The following PHOX2A variants were observed in gnomAD, a reference collection of about 807,000 sequenced individuals.
PHOX2A encodes paired like homeobox 2A, also known as paired mesoderm homeobox protein 2A.
PHOX2A carries 10 observed loss-of-function variants against 16.4 expected under a neutral mutation model. That is an observed-to-expected ratio of 0.61 (90% CI 0.38 to 1.04). The LOEUF (loss-of-function observed/expected upper bound fraction) is 1.04. Among genes scored for constraint, PHOX2A ranks in the 50% least tolerant of loss-of-function variants. The pLI, the probability that PHOX2A is intolerant of heterozygous loss-of-function variation, is 0.01. For missense variants in PHOX2A, 361 were observed against 419.4 expected (o/e 0.86, Z 1.22); for synonymous variants, 219 against 203.8 (o/e 1.07, Z -0.64).
At chr11:72,240,273 G>C (rs1045667685) in intron 2 of PHOX2A, 75 bp from the exon 3 acceptor site, 4 of 1,509,918 alleles carry the variant, frequency 2.6e-6, no homozygotes, top group Middle Eastern at 2.3e-4. Flanking sequence ...CGCAAGGCTC[G>C]AGTGAGATCC....
intron 1 of PHOX2A, 125 bp downstream of exon 1, chr11:72,243,663 G>C (rs1590729464): frequency 1.3e-5 from 6 of 446,476 alleles, no homozygotes; most frequent in African/African-American, 6.0e-5. Flanking sequence ...GGTCTCTCGG[G>C]GCATTGGAGG....
Position 72,242,376 on chromosome 11 carries a change from A to G in PHOX2A, c.218-1087T>C, listed in dbSNP as rs529499677. 1.1e-3 allele frequency among the ~76,000 whole-genome samples: 168 copies of G among 152,180 alleles called. 2 individuals carry two copies. Among genetic ancestry groups the G allele is most frequent in the African/African-American group, 3.8e-3 (158 of 41,510 alleles). On this transcript the variant is annotated intron_variant, in intron 1 of 2. Transcript: ENST00000298231. ...CTATTTCTAATCTTCTTTGGTCCCC[A>G]TCGCCTGATACTTATCTCTATCTCC...
chr11:72,244,087 G>T lies in PHOX2A; in HGVS notation c.-83C>A. Reference sequence around the variant, plus strand: ...TGGAGGTCGGAAGGGAGGTTCGAGCGCCAGGCTCCGAGGACCCGAGGCCAG... The same window carrying T: ...TGGAGGTCGGAAGGGAGGTTCGAGCTCCAGGCTCCGAGGACCCGAGGCCAG... On this transcript the variant is annotated 5_prime_UTR_variant, in exon 1 of 3. Coordinates refer to ENST00000298231, the MANE Select transcript of PHOX2A (RefSeq NM_005169.4). 3.1e-6 allele frequency: 2 copies of T among 649,112 alleles called. No homozygotes were observed. Among genetic ancestry groups the T allele is most frequent in the Non-Finnish European group, 4.4e-6 (2 of 454,028 alleles). 40.2% of individuals were successfully genotyped at this position (649,112 alleles called of 1,614,324 possible). A position where few individuals can be genotyped will look rare whatever the true frequency, so the allele number is the denominator to read the frequency against.
Position 72,240,128 on chromosome 11 carries a change from C to A in PHOX2A, c.476G>T (p.Gly159Val). The change falls in exon 3 of 3, where the codon GGC becomes GTC. Residue 159 changes from glycine to valine, a missense_variant. Transcript: ENST00000298231. ...ERAASAKGAA[G>V]AAGAKKGEAR... ...CTCGCCCTTTTTGGCGCCCGCCGCG[C>A]CCGCCGCGCCCTTGGCGCTGGCCGC... 6.5e-7 allele frequency: 1 copy of A among 1,533,036 alleles called. No individual in the cohort carries two copies. 95.0% of individuals were successfully genotyped at this position (1,533,036 alleles called of 1,614,324 possible).
chr11:72,244,053 G>T lies in PHOX2A; in HGVS notation c.-49C>A, dbSNP rs1949143806. The T allele has an allele frequency of 4.2e-6, 4 of 945,586 alleles. No individual in the cohort carries two copies. The highest frequency in any genetic ancestry group is 5.6e-6 in the Non-Finnish European group (4 of 719,598). 58.6% of individuals were successfully genotyped at this position (945,586 alleles called of 1,614,324 possible). A position where few individuals can be genotyped will look rare whatever the true frequency, so the allele number is the denominator to read the frequency against. On this transcript the variant is annotated 5_prime_UTR_variant, in exon 1 of 3. Transcript: ENST00000298231. ...GCCGGGCCAGGCCGGGTCGGGGTCGGGGTCCGGGTGGAGGTCGGAAGGGAG... is the reference window on the plus strand; with the variant it reads ...GCCGGGCCAGGCCGGGTCGGGGTCGTGGTCCGGGTGGAGGTCGGAAGGGAG...
chr11:72,243,561 G>T (rs888497431), intron 1 of PHOX2A, among the ~76,000 whole-genome samples: 14 of 152,198 alleles, frequency 9.2e-5, no homozygotes, highest in African/African-American at 3.4e-4. Context: ...TGACCTGAAG[G>T]GCACGAGACA....
At chr11:72,240,272 C>A in intron 2 of PHOX2A, 74 bp from the exon 3 acceptor site, 2 of 1,509,870 alleles carry the variant, frequency 1.3e-6, no homozygotes, top group South Asian at 2.5e-5. Context: ...CCGCAAGGCT[C>A]GAGTGAGATC....
At position 72,244,023 on chromosome 11, in the gene PHOX2A, C is replaced by A; in HGVS notation, c.-19G>T. On this transcript the variant is annotated 5_prime_UTR_variant, in exon 1 of 3. Coordinates refer to ENST00000298231, the MANE Select transcript of PHOX2A (RefSeq NM_005169.4). ...AGTCCATCGGCCCGGGGGGCGGGGG[C>A]GGGGGCCGGGCCAGGCCGGGTCGGG... is the stretch of plus-strand genomic sequence containing the variant. 2.6e-6 allele frequency: 1 copy of A among 378,812 alleles called. No homozygotes were observed. The highest frequency in any genetic ancestry group is 3.7e-6 in the Non-Finnish European group (1 of 269,208). The allele number at this position is 378,812 out of a possible 1,614,324, so 23.5% of individuals were successfully genotyped here. A position where few individuals can be genotyped will look rare whatever the true frequency, so the allele number is the denominator to read the frequency against.
In PHOX2A at chr11:72,243,816, G is replaced by C; in HGVS notation, c.189C>G (p.Arg63=). The change falls in exon 1 of 3, where the codon CGC becomes CGG. Residue 63 remains arginine (R), a synonymous_variant. Transcript: ENST00000298231. The part of the protein sequence containing the change: ...GSSNCALGAL[R]DHQPAPYSAV... Reference sequence around the variant, plus strand: ...CCGAGTAGGGCGCGGGCTGGTGGTCGCGTAGGGCGCCAAGTGCGCAGTTGG... The same window carrying C: ...CCGAGTAGGGCGCGGGCTGGTGGTCCCGTAGGGCGCCAAGTGCGCAGTTGG... 8.8e-6 allele frequency: 11 copies of C among 1,250,390 alleles called. No homozygotes were observed. The highest frequency in any genetic ancestry group is 1.0e-5 in the Non-Finnish European group (10 of 995,928). 77.5% of individuals were successfully genotyped at this position (1,250,390 alleles called of 1,614,324 possible).
Position 72,243,885 on chromosome 11 carries a change from G to A in PHOX2A, c.120C>T (p.Pro40=). The A allele has an allele frequency of 7.8e-7, 1 of 1,280,882 alleles. No individual in the cohort carries two copies. The highest frequency in any genetic ancestry group is 1.5e-5 in the African/African-American group (1 of 65,028). The allele number at this position is 1,280,882 out of a possible 1,614,324, so 79.3% of individuals were successfully genotyped here. Residue 40 remains proline (P), a synonymous_variant, in exon 1 of 3, where the codon CCC becomes CCT. Coordinates refer to ENST00000298231, the MANE Select transcript of PHOX2A (RefSeq NM_005169.4). ...PGGFQYSPLR[P]AFPAAGPPCP... is the part of the protein sequence containing the mutation. ...AGGGCGGCCCTGCCGCGGGGAAAGC[G>A]GGCCGCAGGGGGCTGTATTGGAAGC...
At position 72,243,812 on chromosome 11, in the gene PHOX2A, G is replaced by T. The variant is rs1225639714; in HGVS notation, c.193C>A (p.His65Asn). ...SNCALGALRD[H>N]QPAPYSAVPY... Reference sequence around the variant, plus strand: ...CCTGCCGAGTAGGGCGCGGGCTGGTGGTCGCGTAGGGCGCCAAGTGCGCAG... The same window carrying T: ...CCTGCCGAGTAGGGCGCGGGCTGGTTGTCGCGTAGGGCGCCAAGTGCGCAG... Residue 65 changes from histidine (H) to asparagine (N), a missense_variant, in exon 1 of 3, where the codon CAC (histidine) becomes AAC (asparagine). Around this residue, in one of 3 missense-constraint regions of PHOX2A, gnomAD observed 235 missense variants for 263.8 expected, o/e 0.89. Transcript: ENST00000298231. 10 of 1,250,422 alleles carry T rather than the reference G, an allele frequency of 8.0e-6. No individual in the cohort carries two copies. Among genetic ancestry groups the T allele is most frequent in the African/African-American group, 1.6e-5 (1 of 64,498 alleles). 77.5% of individuals were successfully genotyped at this position (1,250,422 alleles called of 1,614,324 possible). A position where few individuals can be genotyped will look rare whatever the true frequency, so the allele number is the denominator to read the frequency against.
In PHOX2A at chr11:72,240,010, G is replaced by A; in HGVS notation, c.594C>T (p.Pro198=). The change falls in exon 3 of 3, where the codon CCC becomes CCT. Residue 198 remains proline, a synonymous_variant. Transcript: ENST00000298231. ...GGCTCAGGCGCGGGCTGGCCAGGCCGGGCGCAGGCGGCGGCGGCAGCGAGG... is the reference window on the plus strand; with the variant it reads ...GGCTCAGGCGCGGGCTGGCCAGGCCAGGCGCAGGCGGCGGCGGCAGCGAGG... The part of the protein sequence containing the change: ...STASLPPPPA[P]GLASPRLSPS... 1 of 1,425,698 alleles carries A rather than the reference G, an allele frequency of 7.0e-7. No individual in the cohort carries two copies. Among genetic ancestry groups the A allele is most frequent in the Non-Finnish European group, 9.1e-7 (1 of 1,093,554 alleles). The allele number at this position is 1,425,698 out of a possible 1,614,324, so 88.3% of individuals were successfully genotyped here. A position where few individuals can be genotyped will look rare whatever the true frequency, so the allele number is the denominator to read the frequency against.
chr11:72,240,901 A>G (rs1949113262), intron 2 of PHOX2A, among the ~76,000 whole-genome samples: 1 of 152,164 alleles, frequency 6.6e-6, no homozygotes, highest in Non-Finnish European at 1.5e-5. Context: ...GAGCGGAGGT[A>G]GCCTGGAGCT....
rs1044026650 is a variant in PHOX2A, at chr11:72,244,059, G to C, written c.-55C>G. The C allele has an allele frequency of 2.2e-6, 2 of 897,134 alleles. No individual in the cohort carries two copies. The highest frequency in any genetic ancestry group is 1.7e-5 in the African/African-American group (1 of 57,822). 55.6% of individuals were successfully genotyped at this position (897,134 alleles called of 1,614,324 possible). On this transcript the variant is annotated 5_prime_UTR_variant, in exon 1 of 3. Transcript: ENST00000298231. ...CCAGGCCGGGTCGGGGTCGGGGTCC[G>C]GGTGGAGGTCGGAAGGGAGGTTCGA...
In PHOX2A at chr11:72,244,010, C is replaced by CG. The variant is rs1555080455; in HGVS notation, c.-7dup. Reference sequence around the variant, plus strand: ...TTGAGGTAGGAGTAGTCCATCGGCCCGGGGGGCGGGGGCGGGGGCCGGGCC... The same window carrying CG: ...TTGAGGTAGGAGTAGTCCATCGGCCCGGGGGGGCGGGGGCGGGGGCCGGGCC... On this transcript the variant is annotated 5_prime_UTR_variant, in exon 1 of 3. Transcript: ENST00000298231. 5.9e-6 allele frequency: 3 copies of CG among 508,898 alleles called. No individual in the cohort carries two copies. Among genetic ancestry groups the CG allele is most frequent in the Non-Finnish European group, 7.7e-6 (3 of 390,160 alleles). The allele number at this position is 508,898 out of a possible 1,614,324, so 31.5% of individuals were successfully genotyped here.
Position 72,239,713 on chromosome 11 carries a change from T to G in PHOX2A, c.*36A>C. On this transcript the variant is annotated 3_prime_UTR_variant, in exon 3 of 3. Transcript: ENST00000298231. ...CAGGTCCTGGAGGGGCAGGGACGTC[T>G]CTGGGGGCAGGCTCGGAGCCTCCAG... 7.7e-7 allele frequency: 1 copy of G among 1,299,612 alleles called. No homozygotes were observed. Among genetic ancestry groups the G allele is most frequent in the Non-Finnish European group, 9.8e-7 (1 of 1,015,760 alleles). The allele number at this position is 1,299,612 out of a possible 1,614,324, so 80.5% of individuals were successfully genotyped here.
chr11:72,241,317 G>GC lies in PHOX2A; in HGVS notation c.218-29_218-28insG, dbSNP rs752212222. 4 of 1,234,166 alleles carry GC rather than the reference G, an allele frequency of 3.2e-6. No individual in the cohort carries two copies. In the East Asian group the frequency reaches 7.4e-5, roughly 23 times the overall value. The allele number at this position is 1,234,166 out of a possible 1,614,324, so 76.5% of individuals were successfully genotyped here. A position where few individuals can be genotyped will look rare whatever the true frequency, so the allele number is the denominator to read the frequency against. ...GCGGGTGTGTGCAGGGGGGCCGGGG[G>GC]GGGGGCAAAAAGGATGGGGGAGTGA... is the stretch of plus-strand genomic sequence containing the variant. On this transcript the variant is annotated intron_variant, in intron 1 of 2. Coordinates refer to ENST00000298231, the MANE Select transcript of PHOX2A (RefSeq NM_005169.4).
At chr11:72,242,044 T>C (rs1949127164) in intron 1 of PHOX2A, among the ~76,000 whole-genome samples, 1 of 151,880 alleles carries the variant, frequency 6.6e-6, no homozygotes, top group Non-Finnish European at 1.5e-5. Flanking sequence ...CTCCATCTTC[T>C]CTTTGCGCCC....
At chr11:72,241,732 G>T (rs1949124301) in intron 1 of PHOX2A, among the ~76,000 whole-genome samples, 2 of 151,420 alleles carry the variant, frequency 1.3e-5, no homozygotes, top group African/African-American at 4.9e-5. Flanking sequence ...CATCAGCATT[G>T]CCAGTCTTCC....
Sources: gnomAD v4.1 joint callset for allele counts (sites outside exome capture counted in the v4.1 genomes callset) on GRCh38, gnomAD v4.1.1 for gene constraint, gnomAD v4.1.1 regional missense constraint, MANE v1.5 for transcripts, NCBI Gene and HGNC (gene_info 2026-07-23, HGNC 2026-07-21) for gene names.